ZFHX3: variants seen among roughly 807,000 people sequenced by gnomAD.
The protein encoded by ZFHX3 is zinc finger homeobox protein 3.
In ZFHX3, 42 loss-of-function variants were observed where a neutral mutation model predicts 279.1. That is an observed-to-expected ratio of 0.15 (90% CI 0.12 to 0.19). The LOEUF is 0.19. ZFHX3 is among the 10% of genes least tolerant of loss of function. The pLI is 1.00. For synonymous variants in ZFHX3, 2,293 were observed against 1,957.8 expected (o/e 1.17, Z -4.52); for missense variants, 4,981 against 4,754.0 (o/e 1.05, Z -1.40).
At position 72,800,141 on chromosome 16, in the gene ZFHX3, G is replaced by C. The variant is rs373932351; in HGVS notation, c.3865-12C>G. On this transcript the variant is annotated splice_polypyrimidine_tract_variant and intron_variant, in intron 7 of 9. Transcript: ENST00000268489. ...TCAGGGGTGGTCACCTGAGGAGCAAGAGCAAGGAGAGTCAAATGGAGAGGA... is the reference window on the plus strand; with the variant it reads ...TCAGGGGTGGTCACCTGAGGAGCAACAGCAAGGAGAGTCAAATGGAGAGGA... 6 of 1,605,766 alleles carry C rather than the reference G, an allele frequency of 3.7e-6. No homozygotes were observed. In the Admixed American group the frequency reaches 8.3e-5, roughly 22 times the overall value.
At chr16:72,832,445 G>A (rs923387880) in intron 4 of ZFHX3, among the ~76,000 whole-genome samples, 4 of 152,034 alleles carry the variant, frequency 2.6e-5, no homozygotes, top group African/African-American at 9.7e-5. Flanking sequence ...TCCGATGAGA[G>A]GATCAACGAA....
chr16:73,103,337 C>A (rs1285380941), intron 7 of ZFHX3, among the ~76,000 whole-genome samples: 1 of 151,696 alleles, frequency 6.6e-6, no homozygotes, highest in East Asian at 1.9e-4. Flanking sequence ...CACTCATGTA[C>A]CCCAACCTTG....
intron 2 of ZFHX3, among the ~76,000 whole-genome samples, chr16:73,607,015 T>G (rs144133581): frequency 2.1e-5 from 2 of 94,616 alleles, no homozygotes; most frequent in African/African-American, 6.2e-5. Flanking sequence ...CAAAAACAAA[T>G]AAAAAGGACA....
chr16:72,873,887 C>T (rs1366498873), intron 4 of ZFHX3, among the ~76,000 whole-genome samples: 2 of 152,148 alleles, frequency 1.3e-5, no homozygotes, highest in Admixed American at 1.3e-4. Context: ...ACCACATAAT[C>T]GTAACACAGT....
intron 5 of ZFHX3, among the ~76,000 whole-genome samples, chr16:73,159,435 A>C (rs1176291815): frequency 6.6e-6 from 1 of 152,158 alleles, no homozygotes; most frequent in Non-Finnish European, 1.5e-5. Context: ...CTGGAAAAGT[A>C]TGTGTGCACC....
chr16:73,702,181 A>G (rs2053255076), intron 1 of ZFHX3, among the ~76,000 whole-genome samples: 2 of 152,098 alleles, frequency 1.3e-5, no homozygotes, highest in African/African-American at 4.8e-5. Context: ...CTCCCCGTTC[A>G]CACTCACTAT....
chr16:73,804,843 T>C (rs905819935), intron 1 of ZFHX3, among the ~76,000 whole-genome samples: 10 of 138,834 alleles, frequency 7.2e-5, no homozygotes, highest in Non-Finnish European at 6.1e-5. Flanking sequence ...CAAAACACTA[T>C]ACACATACTA....
intron 5 of ZFHX3, among the ~76,000 whole-genome samples, chr16:73,175,182 C>T (rs193047603): frequency 1.3e-5 from 2 of 152,226 alleles, no homozygotes; most frequent in Admixed American, 6.5e-5. Flanking sequence ...GAGTTCGAGA[C>T]CAGCCTGGCC....
intron 2 of ZFHX3, among the ~76,000 whole-genome samples, chr16:73,540,162 G>C (rs148005011): frequency 6.6e-6 from 1 of 152,124 alleles, no homozygotes; most frequent in Non-Finnish European, 1.5e-5. Context: ...TTGGCCTGAC[G>C]TGCCTGCTGG....
chr16:73,816,353 A>C, intron 1 of ZFHX3, among the ~76,000 whole-genome samples: 1 of 152,178 alleles, frequency 6.6e-6, no homozygotes, highest in East Asian at 1.9e-4. Flanking sequence ...GTTCATAGGA[A>C]AGTGAGTATG....
rs1051864805 is a variant in ZFHX3, at chr16:73,596,240, G to A, written c.-1547+83940C>T. On this transcript the variant is annotated intron_variant, in intron 2 of 17. Transcript: ENST00000641206. ...GTTTCAGTGTGTTAGCCACATGTTA[G>A]TCTCTATCTCCTGACTTCGTGATCC... is the stretch of plus-strand genomic sequence containing the variant. Among the ~76,000 whole-genome samples, 3 of 151,986 alleles carry A rather than the reference G, an allele frequency of 2.0e-5. No individual in the cohort carries two copies. In the East Asian group the frequency reaches 5.8e-4, roughly 29 times the overall value.
intron 1 of ZFHX3, among the ~76,000 whole-genome samples, chr16:73,889,597 C>T (rs1160873495): frequency 6.6e-6 from 1 of 152,144 alleles, no homozygotes; most frequent in Non-Finnish European, 1.5e-5. Flanking sequence ...CAATAATGAA[C>T]CGCATTGTTT....
At chr16:73,249,405 A>C (rs1256145198) in intron 5 of ZFHX3, among the ~76,000 whole-genome samples, 1 of 152,244 alleles carries the variant, frequency 6.6e-6, no homozygotes, top group Non-Finnish European at 1.5e-5. Context: ...TCACAGTTCC[A>C]AATGGCTGGG....
chr16:73,063,161 C>A (rs916068723), upstream of ZFHX3, among the ~76,000 whole-genome samples: 14 of 152,130 alleles, frequency 9.2e-5, no homozygotes, highest in Non-Finnish European at 7.3e-5. Context: ...TCAGAGGCGC[C>A]GCCACCGGCG....
chr16:72,975,563 A>G (rs1962314282), intron 1 of ZFHX3, among the ~76,000 whole-genome samples: 1 of 152,216 alleles, frequency 6.6e-6, no homozygotes, highest in African/African-American at 2.4e-5. Flanking sequence ...TGGTAATTAC[A>G]AAGCCCATTA....
chr16:73,307,824 A>C (rs1050994500), intron 4 of ZFHX3, among the ~76,000 whole-genome samples: 3 of 152,200 alleles, frequency 2.0e-5, no homozygotes, highest in African/African-American at 7.2e-5. Flanking sequence ...CACAAGAAGT[A>C]TTCGGCATTA....
intron 2 of ZFHX3, among the ~76,000 whole-genome samples, chr16:73,642,914 C>T (rs1189003933): frequency 6.6e-6 from 1 of 152,132 alleles, no homozygotes; most frequent in Non-Finnish European, 1.5e-5. Flanking sequence ...CAGCCCAATT[C>T]GAAGTCTGAC....
chr16:73,819,048 T>G (rs1475562402), intron 1 of ZFHX3, among the ~76,000 whole-genome samples: 2 of 152,150 alleles, frequency 1.3e-5, no homozygotes, highest in African/African-American at 4.8e-5. Flanking sequence ...AAGCCTCCTG[T>G]GCAACTGGGT....
intron 3 of ZFHX3, among the ~76,000 whole-genome samples, chr16:73,396,409 A>G (rs1025867129): frequency 7.5e-6 from 1 of 133,072 alleles, no homozygotes; most frequent in East Asian, 2.1e-4. Flanking sequence ...TTAATTGTTA[A>G]CTAGAAGACT....
Sources: allele counts gnomAD v4.1 joint callset (sites outside exome capture counted in the v4.1 genomes callset), GRCh38; gene constraint gnomAD v4.1.1; transcripts MANE v1.5; gene names NCBI Gene and HGNC (gene_info 2026-07-23, HGNC 2026-07-21).